Variants in RMC1 observed in about 807,000 individuals in gnomAD.
The protein encoded by RMC1 is regulator of MON1-CCZ1, also known as regulator of MON1-CCZ1 complex.
A neutral mutation model predicts 95.5 loss-of-function variants in RMC1; 44 were observed. That is an observed-to-expected ratio of 0.46 (90% CI 0.36 to 0.59). RMC1 has a LOEUF of 0.59. RMC1 is among the 20% of genes least tolerant of loss of function. The pLI is 0.00. For missense variants in RMC1, 705 were observed against 819.6 expected (o/e 0.86, Z 1.71); for synonymous variants, 320 against 303.6 (o/e 1.05, Z -0.56).
intron 19 of RMC1, 65 bp downstream of exon 19, chr18:23,530,677 G>A: frequency 6.7e-7 from 1 of 1,493,834 alleles, no homozygotes; most frequent in Non-Finnish European, 9.1e-7. Flanking sequence ...GGCACTGGCA[G>A]CTGGTGGGCG....
Position 23,529,255 on chromosome 18 carries a change from C to T in RMC1, c.1373C>T (p.Ser458Leu). 1.9e-6 allele frequency: 3 copies of T among 1,614,022 alleles called. No homozygotes were observed. Among genetic ancestry groups the T allele is most frequent in the Non-Finnish European group, 2.5e-6 (3 of 1,180,034 alleles). The change falls in exon 15 of 20, where the codon TCA becomes TTA. Residue 458 changes from serine (S) to leucine (L), a missense_variant. Coordinates refer to ENST00000269221, the MANE Select transcript of RMC1 (RefSeq NM_013326.5). ...CGGACCCAGGCGGTGCTGGACCAGT[C>T]AGATGTGTACACCCATGTCCTGTCA... ...PVRTQAVLDQ[S>L]DVYTHVLSAF...
intron 2 of RMC1, 97 bp downstream of exon 2, chr18:23,504,544 C>T: frequency 2.7e-6 from 3 of 1,109,110 alleles, no homozygotes; most frequent in Non-Finnish European, 4.1e-6. Flanking sequence ...TTTGGTCTGC[C>T]CTAAGAGGCC....
intron 19 of RMC1, among the ~76,000 whole-genome samples, chr18:23,530,897 T>C (rs563224027): frequency 6.6e-6 from 1 of 152,328 alleles, no homozygotes; most frequent in South Asian, 2.1e-4. Context: ...TTGGAATATC[T>C]CTTAAAGCCA....
chr18:23,508,543 A>G (rs2057770100), intron 4 of RMC1: 1 of 152,516 alleles, frequency 6.6e-6, no homozygotes, highest in Non-Finnish European at 1.5e-5. Context: ...ACTAGGCTAG[A>G]GGGAGCTGAG....
chr18:23,530,165 G>A, intron 17 of RMC1, 33 bp downstream of exon 17: 3 of 1,613,692 alleles, frequency 1.9e-6, no homozygotes, highest in Non-Finnish European at 2.5e-6. Context: ...TTCCATTGTG[G>A]TTAAAAATGG....
chr18:23,530,736 C>A, intron 19 of RMC1, 124 bp downstream of exon 19: 1 of 828,724 alleles, frequency 1.2e-6, no homozygotes, highest in Non-Finnish European at 1.9e-6. Flanking sequence ...GATAACAGCC[C>A]ACCTAGCCCT....
At chr18:23,524,622 T>C (rs1245249967) in intron 12 of RMC1, 140 bp downstream of exon 12, 4 of 778,562 alleles carry the variant, frequency 5.1e-6, no homozygotes, top group African/African-American at 1.8e-5. Flanking sequence ...TTTTTTTTTT[T>C]CACTTTATAC....
intron 5 of RMC1, among the ~76,000 whole-genome samples, chr18:23,512,292 A>C (rs973066860): frequency 1.3e-5 from 2 of 152,150 alleles, no homozygotes; most frequent in Admixed American, 1.3e-4. Flanking sequence ...AAGTGCTGGG[A>C]TTACAGGCGT....
chr18:23,506,905 T>C, intron 2 of RMC1, 65 bp from the exon 3 acceptor site: 1 of 1,140,026 alleles, frequency 8.8e-7, no homozygotes. Flanking sequence ...TCTTTTGCCT[T>C]TTCAATAAAT....
chr18:23,505,871 A>G (rs1185712299), intron 2 of RMC1, among the ~76,000 whole-genome samples: 1 of 152,144 alleles, frequency 6.6e-6, no homozygotes, highest in Non-Finnish European at 1.5e-5. Context: ...AATTTAACTT[A>G]AAAAGAGTTT....
intron 5 of RMC1, among the ~76,000 whole-genome samples, chr18:23,515,222 T>C (rs2057968107): frequency 6.6e-6 from 1 of 152,158 alleles, no homozygotes; most frequent in South Asian, 2.1e-4. Context: ...CCCAGGCATG[T>C]GGAGGCACAG....
At chr18:23,520,155 C>A (rs757968505) in intron 9 of RMC1, 47 bp from the exon 10 acceptor site, 1 of 1,458,386 alleles carries the variant, frequency 6.9e-7, no homozygotes, top group South Asian at 1.1e-5. Flanking sequence ...AGCAACTGGG[C>A]AAACCATGAT....
At chr18:23,518,118 C>A (rs1413208032) in intron 7 of RMC1, among the ~76,000 whole-genome samples, 1 of 152,248 alleles carries the variant, frequency 6.6e-6, no homozygotes, top group Non-Finnish European at 1.5e-5. Context: ...TGTCCCTGGG[C>A]AGGCCCAGCA....
Position 23,503,547 on chromosome 18 carries a change from G to C in RMC1, c.-72G>C, listed in dbSNP as rs1034851083. On this transcript the variant is annotated 5_prime_UTR_variant, in exon 1 of 20. Transcript: ENST00000269221. ...CGCAGCCGCCGCTACAGTCCGGGCC[G>C]GGCTCCACCGCGCATCCTGCTCCAC... 2 of 1,143,182 alleles carry C rather than the reference G, an allele frequency of 1.7e-6. No homozygotes were observed. The highest frequency in any genetic ancestry group is 2.4e-6 in the Non-Finnish European group (2 of 841,606). The allele number at this position is 1,143,182 out of a possible 1,614,324, so 70.8% of individuals were successfully genotyped here.
intron 5 of RMC1, among the ~76,000 whole-genome samples, chr18:23,514,214 T>C (rs1467701260): frequency 6.6e-6 from 1 of 152,236 alleles, no homozygotes; most frequent in Admixed American, 6.5e-5. Context: ...AAGGCCATCA[T>C]CGAAATCTTA....
intron 18 of RMC1, 27 bp downstream of exon 18, chr18:23,530,324 CTA>C: frequency 6.2e-7 from 1 of 1,614,102 alleles, no homozygotes; most frequent in Non-Finnish European, 8.5e-7. Flanking sequence ...AGGTTTTAGA[CTA>C]TGGAAACTAA....
At chr18:23,530,717 A>G in intron 19 of RMC1, 105 bp downstream of exon 19, 2 of 1,071,896 alleles carry the variant, frequency 1.9e-6, no homozygotes, top group South Asian at 1.6e-5. Flanking sequence ...TTTGTAAACA[A>G]CACAATTTGA....
At position 23,520,230 on chromosome 18, in the gene RMC1, G is replaced by A. The variant is rs749451554; in HGVS notation, c.878G>A (p.Arg293Gln). ...ETSVIFDIKL[R>Q]GEFDGSVTFH... ...TCGGTAATATTCGATATCAAGTTAC[G>A]GGGAGAGTTTGACGGCTCCGTTACC... Residue 293 changes from arginine to glutamine, a missense_variant, in exon 10 of 20, where the codon CGG becomes CAG. Arg to Gln is a conservative substitution (Grantham distance 43). Transcript: ENST00000269221. The A allele has an allele frequency of 5.6e-6, 9 of 1,613,860 alleles. No individual in the cohort carries two copies. Among genetic ancestry groups the A allele is most frequent in the South Asian group, 1.1e-5 (1 of 91,070 alleles).
chr18:23,517,804 G>A (rs1394003738), intron 7 of RMC1, among the ~76,000 whole-genome samples: 4 of 151,862 alleles, frequency 2.6e-5, no homozygotes, highest in South Asian at 2.1e-4. Flanking sequence ...CACAACCTCC[G>A]CCTTCTAGGT....
Sources: allele counts gnomAD v4.1 joint callset (sites outside exome capture counted in the v4.1 genomes callset), GRCh38; gene constraint gnomAD v4.1.1; transcripts MANE v1.5; gene names NCBI Gene and HGNC (gene_info 2026-07-23, HGNC 2026-07-21).